ABL1: variants seen among roughly 807,000 people sequenced by gnomAD.
The protein encoded by ABL1 is ABL proto-oncogene 1, non-receptor tyrosine kinase.
ABL1 carries 11 observed loss-of-function variants against 94.7 expected under a neutral mutation model. The ratio of observed to expected loss-of-function variants is 0.12; its 90% CI spans 0.07 to 0.19. The LOEUF (loss-of-function observed/expected upper bound fraction) is 0.19, where lower values mean the gene tolerates loss of function less well. ABL1 is among the 10% of genes least tolerant of loss of function. The pLI, the probability that ABL1 is intolerant of heterozygous loss-of-function variation, is 1.00. For synonymous variants in ABL1, 656 were observed against 622.4 expected (o/e 1.05, Z -0.80); for missense variants, 1,082 against 1,489.4 (o/e 0.73, Z 4.50).
chr9:130,719,381 T>C (rs1220541879), intron 1 of ABL1, among the ~76,000 whole-genome samples: 2 of 151,966 alleles, frequency 1.3e-5, no homozygotes, highest in African/African-American at 2.4e-5. Flanking sequence ...ATACAAAAAT[T>C]AGCTGGGCGT....
chr9:130,839,267 C>T (rs1477796568), intron 1 of ABL1, among the ~76,000 whole-genome samples: 1 of 152,130 alleles, frequency 6.6e-6, no homozygotes, highest in African/African-American at 2.4e-5. Flanking sequence ...CTTTTAAATG[C>T]TTCTTTTCAG....
upstream of ABL1, among the ~76,000 whole-genome samples, chr9:130,833,541 T>G (rs1830519512): frequency 6.6e-6 from 1 of 152,212 alleles, no homozygotes; most frequent in African/African-American, 2.4e-5. Context: ...GGGGGCCCTG[T>G]AGTCCTGCAT....
intron 1 of ABL1, among the ~76,000 whole-genome samples, chr9:130,750,214 T>TGG (rs1831940541): frequency 7.7e-6 from 1 of 130,142 alleles, no homozygotes; most frequent in Non-Finnish European, 1.6e-5. Flanking sequence ...TATATATATA[T>TGG]ATATATATAT....
intron 1 of ABL1, among the ~76,000 whole-genome samples, chr9:130,765,582 C>T (rs745954997): frequency 2.0e-5 from 3 of 152,036 alleles, no homozygotes; most frequent in South Asian, 2.1e-4. Flanking sequence ...TGCCAGTTGC[C>T]CTTCTGGAAG....
intron 1 of ABL1, among the ~76,000 whole-genome samples, chr9:130,803,280 T>C (rs1366517844): frequency 6.6e-6 from 1 of 152,144 alleles, no homozygotes; most frequent in Non-Finnish European, 1.5e-5. Context: ...ACTCATGCTC[T>C]ACCCGCCTCA....
At chr9:130,855,437 C>T (rs992760829) in intron 3 of ABL1, among the ~76,000 whole-genome samples, 26 of 152,274 alleles carry the variant, frequency 1.7e-4, no homozygotes, top group Non-Finnish European at 2.5e-4. Flanking sequence ...TAGAAATCAT[C>T]CCCAACGAGA....
chr9:130,759,164 G>A (rs1439274263), intron 1 of ABL1, among the ~76,000 whole-genome samples: 3 of 152,150 alleles, frequency 2.0e-5, no homozygotes, highest in East Asian at 1.9e-4. Flanking sequence ...TGTGGGACCC[G>A]CTTAACTTCC....
chr9:130,817,728 A>G (rs1224971380), intron 1 of ABL1, among the ~76,000 whole-genome samples: 2 of 152,212 alleles, frequency 1.3e-5, no homozygotes, highest in African/African-American at 4.8e-5. Context: ...ACCAGGGAAC[A>G]AGCATTTCTA....
intron 1 of ABL1, among the ~76,000 whole-genome samples, chr9:130,715,618 A>G (rs553148543): frequency 1.1e-4 from 17 of 152,356 alleles, no homozygotes; most frequent in African/African-American, 3.4e-4. Flanking sequence ...GATGGTTCCC[A>G]AATTCAGGAT....
chr9:130,730,522 A>G (rs1268305335), intron 1 of ABL1, among the ~76,000 whole-genome samples: 1 of 151,086 alleles, frequency 6.6e-6, no homozygotes, highest in Non-Finnish European at 1.5e-5. Context: ...CCATTTTTCT[A>G]TTTATGTTTA....
At chr9:130,761,439 C>T (rs1437411080) in intron 1 of ABL1, among the ~76,000 whole-genome samples, 6 of 152,292 alleles carry the variant, frequency 3.9e-5, no homozygotes, top group African/African-American at 1.4e-4. Flanking sequence ...TTTCTCTCTC[C>T]CTTGTGAAGG....
At position 130,721,856 on chromosome 9, in the gene ABL1, C is replaced by G. The variant is rs1210204888; in HGVS notation, c.136+7401C>G. Among the ~76,000 whole-genome samples the G allele has an allele frequency of 3.9e-5, 5 of 126,810 alleles. No individual in the cohort carries two copies. The Admixed American group carries it at 4.9e-4, about 12-fold the overall frequency. The allele number at this position is 126,810 out of a possible 152,430, so 83.2% of individuals were successfully genotyped here. A position where few individuals can be genotyped will look rare whatever the true frequency, so the allele number is the denominator to read the frequency against. On this transcript the variant is annotated intron_variant, in intron 1 of 10. Transcript: ENST00000372348. ...TTTTTTTTTGAGACAGAGCCTTGCT[C>G]TGTTGCCCAGACTGGAGTGCAGTGG... is the stretch of plus-strand genomic sequence containing the variant.
rs778935845 is a variant in ABL1, at chr9:130,885,337, G to A, written c.3047G>A (p.Arg1016His). Residue 1016 changes from arginine (R) to histidine (H), a missense_variant, in exon 11 of 11, where the codon CGC (arginine) becomes CAC (histidine). By Grantham distance (29) the Arg-to-His change is conservative. Coordinates refer to ENST00000318560, the MANE Select transcript of ABL1 (RefSeq NM_005157.6). ...ACCCGAGTGTCTCTTCGGAAAACCC[G>A]CCAGCCTCCAGAGCGGATCGCCAGC... ...ISTRVSLRKT[R>H]QPPERIASGA... The A allele has an allele frequency of 1.9e-6, 3 of 1,613,644 alleles. No individual in the cohort carries two copies. The highest frequency in any genetic ancestry group is 2.7e-5 in the African/African-American group (2 of 75,048).
At chr9:130,859,438 C>T (rs1485821303) in intron 3 of ABL1, among the ~76,000 whole-genome samples, 1 of 152,070 alleles carries the variant, frequency 6.6e-6, no homozygotes, top group East Asian at 1.9e-4. Flanking sequence ...AAGCCGAGCA[C>T]ATGGCTAACC....
intron 1 of ABL1, among the ~76,000 whole-genome samples, chr9:130,818,367 G>A (rs1830316544): frequency 3.3e-5 from 5 of 152,212 alleles, no homozygotes; most frequent in Admixed American, 3.3e-4. Flanking sequence ...CTACTCAGGA[G>A]TCTGAGGCAG....
At chr9:130,807,487 G>A (rs897476312) in intron 1 of ABL1, among the ~76,000 whole-genome samples, 3 of 151,552 alleles carry the variant, frequency 2.0e-5, no homozygotes, top group Admixed American at 6.6e-5. Context: ...TGATCTGCCC[G>A]CCGTGGCCTC....
intron 1 of ABL1, among the ~76,000 whole-genome samples, chr9:130,808,852 C>T (rs1207140733): frequency 6.6e-6 from 1 of 152,204 alleles, no homozygotes; most frequent in Non-Finnish European, 1.5e-5. Flanking sequence ...CAGATTTACC[C>T]TGTCACCTGA....
chr9:130,783,167 A>C (rs192199123), intron 1 of ABL1, among the ~76,000 whole-genome samples: 5 of 152,386 alleles, frequency 3.3e-5, no homozygotes, highest in Non-Finnish European at 5.9e-5. Flanking sequence ...AAGATGGATT[A>C]GATGGCCTGT....
chr9:130,794,893 C>T (rs12377300), intron 1 of ABL1, among the ~76,000 whole-genome samples: 558 of 152,268 alleles, frequency 3.7e-3, no homozygotes, highest in Middle Eastern at 0.01. Context: ...GTTCCTCTTA[C>T]CCCAGGAACA....
Sources: allele counts gnomAD v4.1 joint callset (sites outside exome capture counted in the v4.1 genomes callset), GRCh38; gene constraint gnomAD v4.1.1; transcripts MANE v1.5; gene names NCBI Gene and HGNC (gene_info 2026-07-23, HGNC 2026-07-21).